The following GBP2 variants were observed in gnomAD, a reference collection of about 807,000 sequenced individuals.
GBP2 encodes guanylate binding protein 2, also known as guanylate-binding protein 2.
A neutral mutation model predicts 60.8 loss-of-function variants in GBP2; 54 were observed. That is an observed-to-expected ratio of 0.89 (90% CI 0.71 to 1.11). The LOEUF (loss-of-function observed/expected upper bound fraction) is 1.11. Among genes scored for constraint, GBP2 ranks in the 50% most tolerant of loss-of-function variants. GBP2 has a pLI of 0.00. For synonymous variants in GBP2, 243 were observed against 256.5 expected, an observed-to-expected ratio of 0.95 and a Z score of 0.50; for missense variants, 665 against 703.3, an observed-to-expected ratio of 0.95 and a Z score of 0.62.
chr1:89,113,715 T>C (rs1331922681), intron 7 of GBP2, among the ~76,000 whole-genome samples: 1 of 152,170 alleles, frequency 6.6e-6, no homozygotes, highest in Non-Finnish European at 1.5e-5. Context: ...ATAAAAACAA[T>C]GTATTTTTTA....
rs187648309 is a variant in GBP2 at position 89,115,491 on chromosome 1, C to T, written c.869-1195G>A. ...CTAGAGCTTAGACAAACTCTAATCT[C>T]CTCAAAGTCCTCTGCCAGTCCTTTC... On this transcript the variant is annotated intron_variant, in intron 6 of 10. Transcript: ENST00000370466. Among the ~76,000 whole-genome samples the T allele has an allele frequency of 5.0e-3, 761 of 152,334 alleles. 2 individuals are homozygous for T. Among genetic ancestry groups the T allele is most frequent in the Non-Finnish European group, 7.7e-3 (521 of 68,032 alleles).
rs956772965 is a variant in GBP2 at position 89,125,983 on chromosome 1, C to G, written c.-138G>C. Reference sequence around the variant, plus strand: ...TGCTTTCTCCCTCTTTTTTCTCTCACGGTAACTGTGGACTTTTACTTTACC... The same window carrying G: ...TGCTTTCTCCCTCTTTTTTCTCTCAGGGTAACTGTGGACTTTTACTTTACC... On this transcript the variant is annotated 5_prime_UTR_variant, in exon 1 of 11. Coordinates refer to ENST00000370466, the MANE Select transcript of GBP2 (RefSeq NM_004120.5). The G allele has an allele frequency of 6.6e-6, 1 of 152,244 alleles. No homozygotes were observed. The highest frequency in any genetic ancestry group is 2.4e-5 in the African/African-American group (1 of 41,460). 9.4% of individuals were successfully genotyped at this position (152,244 alleles called of 1,614,324 possible). A position where few individuals can be genotyped will look rare whatever the true frequency, so the allele number is the denominator to read the frequency against.
rs766975415 is a variant in GBP2 at position 89,108,225 on chromosome 1, C to T, written c.1726G>A (p.Asp576Asn). 6.4e-5 allele frequency: 103 copies of T among 1,613,350 alleles called. No homozygotes were observed. Among genetic ancestry groups the T allele is most frequent in the Non-Finnish European group, 8.4e-5 (99 of 1,179,700 alleles). The change falls in exon 11 of 11, where the codon GAT becomes AAT. Residue 576 changes from aspartate (D) to asparagine (N), a missense_variant. Asp to Asn is a conservative substitution (Grantham distance 23). Coordinates refer to ENST00000370466, the MANE Select transcript of GBP2 (RefSeq NM_004120.5). ...ESKRLQKDIW[D>N]IQMRSKSLEP... ...AATGATTTGCTTCTCATCTGGATAT[C>T]CCATATGTCTTTTTGAAGTCTCTTG...
chr1:89,117,318 C>T (rs1387767726), intron 5 of GBP2, 84 bp from the exon 6 acceptor site: 55 of 1,245,208 alleles, frequency 4.4e-5, no homozygotes, highest in Non-Finnish European at 5.9e-5. Flanking sequence ...TTTCACAAAG[C>T]CCATGTAAGG....
intron 6 of GBP2, 38 bp from the exon 7 acceptor site, chr1:89,114,334 T>TTGG (rs1195353153): frequency 6.2e-7 from 1 of 1,603,052 alleles, no homozygotes; most frequent in Non-Finnish European, 8.5e-7. Flanking sequence ...TGACTATCAG[T>TTGG]TGGTGGGACA....
At chr1:89,117,353 T>TA (rs1180812630) in intron 5 of GBP2, 119 bp from the exon 6 acceptor site, 4 of 1,006,346 alleles carry the variant, frequency 4.0e-6, no homozygotes, top group Non-Finnish European at 5.8e-6. Context: ...GAAGAAGAAA[T>TA]AAAAAATTAA....
intron 6 of GBP2, among the ~76,000 whole-genome samples, chr1:89,114,785 G>A (rs191119564): frequency 1.2e-4 from 18 of 152,294 alleles, no homozygotes; most frequent in Admixed American, 1.1e-3. Context: ...TTTGCTGGGT[G>A]TAGCACTGAA....
In GBP2 at chr1:89,107,569, G is replaced by C. The variant is rs576929932; in HGVS notation, c.*606C>G. 6.6e-6 allele frequency among the ~76,000 whole-genome samples: 1 copy of C among 152,154 alleles called. No homozygotes were observed. On this transcript the variant is annotated 3_prime_UTR_variant, in exon 11 of 11. Transcript: ENST00000370466. ...TTCTCTGCTAGTGCCCACAGATCAT[G>C]CAGCCTCCACCCAAATGAGAACTGT...
chr1:89,121,085 G>T, intron 3 of GBP2, 58 bp downstream of exon 3: 1 of 1,419,732 alleles, frequency 7.0e-7, no homozygotes, highest in Non-Finnish European at 9.8e-7. Context: ...GATCTGACCT[G>T]GTTTATGTAG....
rs543578806 is a variant in GBP2 at position 89,114,300 on chromosome 1, C to T, written c.869-4G>A. 6.2e-6 allele frequency: 10 copies of T among 1,607,788 alleles called. No homozygotes were observed. The highest frequency in any genetic ancestry group is 1.7e-4 in the Middle Eastern group (1 of 6,036). ...GTCAGCACCAGGCTCTCTAGACCTG[C>T]AAAAGGGAATTTTTAAAAAAATGTG... On this transcript the variant is annotated splice_region_variant and splice_polypyrimidine_tract_variant and intron_variant, in intron 6 of 10. Coordinates refer to ENST00000370466, the MANE Select transcript of GBP2 (RefSeq NM_004120.5).
intron 10 of GBP2, 151 bp from the exon 11 acceptor site, chr1:89,108,442 T>C (rs971278240): frequency 1.1e-4 from 54 of 491,974 alleles, no homozygotes; most frequent in Non-Finnish European, 1.7e-4. Flanking sequence ...TTCTATGATT[T>C]TTTTAGCTTC....
intron 6 of GBP2, among the ~76,000 whole-genome samples, chr1:89,115,939 A>G (rs576796860): frequency 4.6e-5 from 7 of 152,122 alleles, no homozygotes; most frequent in African/African-American, 1.4e-4. Context: ...ATCCTGCCCT[A>G]TGCATTTCCA....
Position 89,108,181 on chromosome 1 carries a change from T to C in GBP2, c.1770A>G (p.Ile590Met). 1 of 1,597,944 alleles carries C rather than the reference T, an allele frequency of 6.3e-7. No homozygotes were observed. The highest frequency in any genetic ancestry group is 8.6e-7 in the Non-Finnish European group (1 of 1,166,810). ...AATTTTGCTCCTTGGACTTTTAGAG[T>C]ATGTTACATATTGGCTCCAATGATT... is the stretch of plus-strand genomic sequence containing the variant. The part of the protein sequence containing the change: ...RSKSLEPICN[I>M]L Residue 590 changes from isoleucine (I) to methionine (M), a missense_variant, in exon 11 of 11, where the codon ATA (isoleucine) becomes ATG (methionine). Transcript: ENST00000370466.
chr1:89,108,182 A>T lies in GBP2; in HGVS notation c.1769T>A (p.Ile590Lys). 5 of 1,599,512 alleles carry T rather than the reference A, an allele frequency of 3.1e-6. No homozygotes were observed. The highest frequency in any genetic ancestry group is 4.3e-6 in the Non-Finnish European group (5 of 1,167,854). The change falls in exon 11 of 11, where the codon ATA becomes AAA. Residue 590 changes from isoleucine (I) to lysine (K), a missense_variant. By Grantham distance (102) the Ile-to-Lys change is moderately radical. Transcript: ENST00000370466. The stretch of plus-strand genomic sequence containing the variant: ...ATTTTGCTCCTTGGACTTTTAGAGT[A>T]TGTTACATATTGGCTCCAATGATTT... ...RSKSLEPICN[I>K]L
chr1:89,116,960 C>A (rs1361563096), intron 6 of GBP2, 32 bp downstream of exon 6: 1 of 1,610,826 alleles, frequency 6.2e-7, no homozygotes, highest in Admixed American at 1.7e-5. Context: ...GGAGAAAGTC[C>A]AGGTAGGAAG....
intron 7 of GBP2, 86 bp from the exon 8 acceptor site, chr1:89,112,770 T>C: frequency 9.3e-7 from 1 of 1,075,710 alleles, no homozygotes; most frequent in Admixed American, 1.9e-5. Context: ...TGCTTCTCCT[T>C]CAGAAATTGT....
intron 8 of GBP2, among the ~76,000 whole-genome samples, chr1:89,110,905 CAATAAAGTACTAGCAAACCA>C (rs1681152870): frequency 6.6e-6 from 1 of 152,114 alleles, no homozygotes; most frequent in Non-Finnish European, 1.5e-5. Flanking sequence ...CAAAAGTCCT[CAATAAAGTACTAGCAAACCA>C]AATTCAACAA....
At chr1:89,108,921 ATTTG>A (rs1681106520) in intron 10 of GBP2, among the ~76,000 whole-genome samples, 1 of 149,908 alleles carries the variant, frequency 6.7e-6, no homozygotes, top group Non-Finnish European at 1.5e-5. Flanking sequence ...TTGAGATGGA[ATTTG>A]ACTCTTGTTG....
chr1:89,116,311 G>A (rs1419923833), intron 6 of GBP2, among the ~76,000 whole-genome samples: 1 of 152,124 alleles, frequency 6.6e-6, no homozygotes, highest in Non-Finnish European at 1.5e-5. Flanking sequence ...ACCGTGCCCA[G>A]CCAACTCAAT....
Sources: gnomAD v4.1 joint callset for allele counts (sites outside exome capture counted in the v4.1 genomes callset) on GRCh38, gnomAD v4.1.1 for gene constraint, MANE v1.5 for transcripts, NCBI Gene and HGNC (gene_info 2026-07-23, HGNC 2026-07-21) for gene names.